Variants in MEG3 observed in about 807,000 individuals in gnomAD.
MEG3 encodes maternally expressed 3.
In MEG3 at chr14:100,841,543, G is replaced by T. The variant is rs548138707; in HGVS notation, n.3046-3915G>T. 5.9e-5 allele frequency among the ~76,000 whole-genome samples: 9 copies of T among 152,344 alleles called. No homozygotes were observed. The South Asian group carries it at 1.0e-3, about 18-fold the overall frequency. On this transcript the variant is annotated intron_variant and non_coding_transcript_variant, in intron 2 of 3. Coordinates refer to the MEG3 transcript ENST00000398461. ...GGTGGGGAAACCAGCGATCCCAGAG[G>T]CCCGGAGCCTTGCCCGAGGTTGCAC... is the stretch of plus-strand genomic sequence containing the variant.
Position 100,845,688 on chromosome 14 carries a change from C to T in MEG3, n.3121+155C>T. 3.1e-6 allele frequency: 1 copy of T among 320,070 alleles called. No homozygotes were observed. Among genetic ancestry groups the T allele is most frequent in the Non-Finnish European group, 6.2e-6 (1 of 162,030 alleles). The allele number at this position is 320,070 out of a possible 1,614,324, so 19.8% of individuals were successfully genotyped here. A position where few individuals can be genotyped will look rare whatever the true frequency, so the allele number is the denominator to read the frequency against. On this transcript the variant is annotated intron_variant and non_coding_transcript_variant, in intron 3 of 3. Coordinates refer to the MEG3 transcript ENST00000398461. The surrounding 1 kb of genome is among the most constrained non-coding windows in gnomAD (Gnocchi z 5.2). ...GGAGGTGGGTGCCCATCGAGTCAAG[C>T]CAAGTGCAGACCTGGGGGCTCCTGT...
intron 2 of MEG3, among the ~76,000 whole-genome samples, chr14:100,842,210 T>G (rs577234074): frequency 1.8e-4 from 28 of 152,142 alleles, no homozygotes; most frequent in Non-Finnish European, 4.0e-4. Flanking sequence ...ATTGCCAGCT[T>G]CAATTAGACG....
intron 2 of MEG3, among the ~76,000 whole-genome samples, chr14:100,836,580 G>A (rs1420390678): frequency 6.6e-6 from 1 of 152,070 alleles, no homozygotes; most frequent in Admixed American, 6.5e-5. Context: ...CTAGACCCCC[G>A]AGAGCGGCTC....
intron 1 of MEG3, chr14:100,860,668 A>G (rs1033824450): frequency 2.2e-6 from 1 of 456,494 alleles, no homozygotes; most frequent in Non-Finnish European, 4.4e-6. Flanking sequence ...GGTGGCCTTC[A>G]TCTGCAACTG....
intron 2 of MEG3, among the ~76,000 whole-genome samples, chr14:100,842,846 G>A (rs1486160762): frequency 6.6e-6 from 1 of 152,186 alleles, no homozygotes; most frequent in African/African-American, 2.4e-5. Flanking sequence ...TGCTTTCTGC[G>A]TGGGTCATGA....
At chr14:100,833,129 A>G (rs116068560), downstream of MEG3, 1 of 152,258 alleles carries the variant, frequency 6.6e-6, no homozygotes, top group African/African-American at 2.4e-5. Flanking sequence ...ACCCCCCTTA[A>G]GAGGGCATAG....
intron 1 of MEG3, chr14:100,827,440 G>A (rs191129970): frequency 6.6e-6 from 1 of 152,372 alleles, no homozygotes; most frequent in Admixed American, 6.5e-5. Context: ...GAACAGTTTT[G>A]AGACCCCCCG....
At chr14:100,832,178 C>T (rs186596644), downstream of MEG3, 12 of 152,028 alleles carry the variant, frequency 7.9e-5, no homozygotes, top group Non-Finnish European at 1.3e-4. Context: ...CATCCAAAGA[C>T]GGTTTCCCCT....
At chr14:100,841,259 C>T (rs1375853272) in intron 2 of MEG3, among the ~76,000 whole-genome samples, 1 of 152,234 alleles carries the variant, frequency 6.6e-6, no homozygotes, top group Non-Finnish European at 1.5e-5. Flanking sequence ...TTCTGAGCCT[C>T]AGAGAGGTCA....
intron 2 of MEG3, among the ~76,000 whole-genome samples, chr14:100,844,533 C>A (rs139842885): frequency 7.2e-5 from 11 of 152,230 alleles, no homozygotes; most frequent in Non-Finnish European, 1.3e-4. Context: ...CAGAGAATTC[C>A]CAGATCCCGT....
Position 100,845,598 on chromosome 14 carries a change from G to T in MEG3, n.3121+65G>T. Reference sequence around the variant, plus strand: ...CTGCTGAGGGTGGGGCCAGCTGCCCGGAGCACACCGCCAGGCGGACCTCGT... The same window carrying T: ...CTGCTGAGGGTGGGGCCAGCTGCCCTGAGCACACCGCCAGGCGGACCTCGT... On this transcript the variant is annotated intron_variant and non_coding_transcript_variant, in intron 3 of 3. Transcript: ENST00000398461. This position sits in a 1 kb window ranked among gnomAD's most constrained non-coding sequence, Gnocchi z 5.2. 9.2e-6 allele frequency: 4 copies of T among 436,550 alleles called. No individual in the cohort carries two copies. The highest frequency in any genetic ancestry group is 6.5e-5 in the South Asian group (4 of 61,180). The allele number at this position is 436,550 out of a possible 1,614,324, so 27.0% of individuals were successfully genotyped here.
chr14:100,836,268 C>T (rs745456953), exon 2 of MEG3: 3 of 456,496 alleles, frequency 6.6e-6, no homozygotes, highest in African/African-American at 4.0e-5. Flanking sequence ...AGTCTTCTTC[C>T]TGGCGGGCCT....
rs1314633992 is a variant in MEG3 at position 100,845,477 on chromosome 14, G to A, written n.3065G>A. 2.2e-6 allele frequency: 1 copy of A among 456,828 alleles called. No individual in the cohort carries two copies. The highest frequency in any genetic ancestry group is 7.0e-5 in the East Asian group (1 of 14,366). 28.3% of individuals were successfully genotyped at this position (456,828 alleles called of 1,614,324 possible). ...TTACAGCGGAAGCCATCACCTGGAT[G>A]CCTACGTGGGAAGGGACCTCGAATG... On this transcript the variant is annotated non_coding_transcript_exon_variant, in exon 3 of 4. Coordinates refer to the MEG3 transcript ENST00000398461. This position sits in a 1 kb window ranked among gnomAD's most constrained non-coding sequence, Gnocchi z 5.2.
exon 1 of MEG3, chr14:100,834,533 C>T: frequency 2.6e-6 from 1 of 377,470 alleles, no homozygotes; most frequent in Non-Finnish European, 5.3e-6. Flanking sequence ...AGGGGCAGCC[C>T]TTTAACCTGG....
chr14:100,843,071 G>C (rs1214909916), intron 2 of MEG3, among the ~76,000 whole-genome samples: 1 of 152,170 alleles, frequency 6.6e-6, no homozygotes, highest in Admixed American at 6.5e-5. Context: ...ACCAAGGCAC[G>C]AATTTGCTGG....
downstream of MEG3, chr14:100,831,092 C>G (rs541929847): frequency 6.5e-6 from 1 of 153,146 alleles, no homozygotes; most frequent in Non-Finnish European, 1.5e-5. Flanking sequence ...AGTCCTGCTC[C>G]CAGTGAGTAA....
chr14:100,830,574 T>C (rs1798389522), downstream of MEG3: 1 of 152,158 alleles, frequency 6.6e-6, no homozygotes, highest in Admixed American at 6.5e-5. Context: ...TGTGTTTGTG[T>C]TCAATTAAGA....
At chr14:100,826,447 C>G (rs1199867392) in intron 1 of MEG3, 2 of 152,280 alleles carry the variant, frequency 1.3e-5, no homozygotes, top group African/African-American at 4.8e-5. Context: ...TCTGGAGGGT[C>G]CAGTCCTTAA....
chr14:100,845,598 G>A lies in MEG3; in HGVS notation n.3121+65G>A, dbSNP rs1040018198. 1.6e-5 allele frequency: 7 copies of A among 436,548 alleles called. No homozygotes were observed. The highest frequency in any genetic ancestry group is 7.3e-5 in the Admixed American group (3 of 40,966). The allele number at this position is 436,548 out of a possible 1,614,324, so 27.0% of individuals were successfully genotyped here. Reference sequence around the variant, plus strand: ...CTGCTGAGGGTGGGGCCAGCTGCCCGGAGCACACCGCCAGGCGGACCTCGT... The same window carrying A: ...CTGCTGAGGGTGGGGCCAGCTGCCCAGAGCACACCGCCAGGCGGACCTCGT... On this transcript the variant is annotated intron_variant and non_coding_transcript_variant, in intron 3 of 3. Transcript: ENST00000398461. This position sits in a 1 kb window ranked among gnomAD's most constrained non-coding sequence, Gnocchi z 5.2.
Sources: allele counts gnomAD v4.1 joint callset (sites outside exome capture counted in the v4.1 genomes callset), GRCh38; gene constraint gnomAD v4.1.1; non-coding constraint Gnocchi (gnomAD v3.1); transcripts MANE v1.5; gene names NCBI Gene and HGNC (gene_info 2026-07-23, HGNC 2026-07-21).